RUNX2: variants seen among roughly 807,000 people sequenced by gnomAD.
RUNX2 encodes the protein runt-related transcription factor 2.
In RUNX2, 10 loss-of-function variants were observed where a neutral mutation model predicts 51.7. The ratio of observed to expected loss-of-function variants is 0.19; its 90% CI spans 0.12 to 0.33. The LOEUF is 0.33. RUNX2 is among the 10% of genes least tolerant of loss of function. RUNX2 has a pLI of 1.00. For missense variants in RUNX2, 562 were observed against 691.3 expected (o/e 0.81, Z 2.10); for synonymous variants, 276 against 273.6 (o/e 1.01, Z -0.09).
In RUNX2 at chr6:45,418,183, T is replaced by C. The variant is rs534107625; in HGVS notation, c.59-4410T>C. On this transcript the variant is annotated intron_variant, in intron 2 of 8. Coordinates refer to ENST00000647337, the MANE Select transcript of RUNX2 (RefSeq NM_001024630.4). Reference sequence around the variant, plus strand: ...TTCTACTTTTCATCATAAGTATATATAAAATAATGTATGGGGGTTAGAAAA... The same window carrying C: ...TTCTACTTTTCATCATAAGTATATACAAAATAATGTATGGGGGTTAGAAAA... Among the ~76,000 whole-genome samples the C allele has an allele frequency of 5.3e-5, 8 of 152,084 alleles. No homozygotes were observed. In the East Asian group the frequency reaches 1.4e-3, roughly 26 times the overall value.
At chr6:45,418,680 A>G (rs964845316) in intron 2 of RUNX2, among the ~76,000 whole-genome samples, 1 of 152,216 alleles carries the variant, frequency 6.6e-6, no homozygotes, top group Non-Finnish European at 1.5e-5. Flanking sequence ...CAGAGCCAAG[A>G]CATCATCAGC....
At chr6:45,435,431 C>T (rs542719105) in intron 4 of RUNX2, among the ~76,000 whole-genome samples, 3 of 152,286 alleles carry the variant, frequency 2.0e-5, no homozygotes, top group East Asian at 3.9e-4. Flanking sequence ...CATCTCGGCT[C>T]ACTATAACCT....
At chr6:45,442,883 C>G (rs1036411528) in intron 5 of RUNX2, among the ~76,000 whole-genome samples, 1 of 152,044 alleles carries the variant, frequency 6.6e-6, no homozygotes, top group Non-Finnish European at 1.5e-5. Flanking sequence ...AATGATGCAA[C>G]AGCAGGCCCC....
intron 7 of RUNX2, among the ~76,000 whole-genome samples, chr6:45,525,360 T>C (rs187081984): frequency 1.6e-3 from 240 of 152,330 alleles, no homozygotes; most frequent in African/African-American, 5.5e-3. Flanking sequence ...AGTTGCTCAA[T>C]AAAATTGTGC....
At chr6:45,544,389 G>T (rs111926131) in intron 7 of RUNX2, among the ~76,000 whole-genome samples, 4 of 152,118 alleles carry the variant, frequency 2.6e-5, no homozygotes, top group Non-Finnish European at 4.4e-5. Flanking sequence ...GTGGGGAGGG[G>T]TAAATTCAAA....
intron 2 of RUNX2, among the ~76,000 whole-genome samples, chr6:45,355,155 A>G (rs922612964): frequency 2.2e-5 from 3 of 137,888 alleles, no homozygotes; most frequent in African/African-American, 7.9e-5. Flanking sequence ...TTTTTTTTTT[A>G]GAGATGGGGT....
Position 45,517,860 on chromosome 6 carries a change from T to C in RUNX2, c.1021+5453T>C, listed in dbSNP as rs186776800. Reference sequence around the variant, plus strand: ...GTCTGTCAGGAGGATTCAAACCCAGTAGAGTTTGAGGTTGTTCATTCTAAA... The same window carrying C: ...GTCTGTCAGGAGGATTCAAACCCAGCAGAGTTTGAGGTTGTTCATTCTAAA... On this transcript the variant is annotated intron_variant, in intron 7 of 8. Coordinates refer to ENST00000647337, the MANE Select transcript of RUNX2 (RefSeq NM_001024630.4). Among the ~76,000 whole-genome samples, 80 of 152,276 alleles carry C rather than the reference T, an allele frequency of 5.3e-4. 2 individuals are homozygous for C. Among genetic ancestry groups the C allele is most frequent in the Admixed American group, 4.9e-3 (75 of 15,296 alleles).
Position 45,441,870 on chromosome 6 carries a change from T to A in RUNX2, c.685+3819T>A, listed in dbSNP as rs181883362. Among the ~76,000 whole-genome samples the A allele has an allele frequency of 8.5e-5, 13 of 152,360 alleles. No homozygotes were observed. The East Asian group carries it at 2.5e-3, about 29-fold the overall frequency. On this transcript the variant is annotated intron_variant, in intron 5 of 8. Transcript: ENST00000647337. ...CTGTGAGGCCTTGCCTATCAACACA[T>A]CTGCCAAGACTTGCTTTTCACTCAA...
rs181883116 is a variant in RUNX2, at chr6:45,349,476, A to G, written c.58+20692A>G. Among the ~76,000 whole-genome samples the G allele has an allele frequency of 4.6e-5, 7 of 152,284 alleles. No homozygotes were observed. In the East Asian group the frequency reaches 1.3e-3, roughly 29 times the overall value. On this transcript the variant is annotated intron_variant, in intron 2 of 8. Transcript: ENST00000647337. Reference sequence around the variant, plus strand: ...TGGTCTCTGGATCACCAACATCAACATCACCTGGGAATTTATTTGAAAGGC... The same window carrying G: ...TGGTCTCTGGATCACCAACATCAACGTCACCTGGGAATTTATTTGAAAGGC...
chr6:45,523,082 G>A (rs546701558), intron 7 of RUNX2, among the ~76,000 whole-genome samples: 1 of 152,100 alleles, frequency 6.6e-6, no homozygotes, highest in Admixed American at 6.5e-5. Flanking sequence ...AGTCTTGACA[G>A]GTCTATTATT....
rs569748241 is a variant in RUNX2, at chr6:45,335,336, A to G, written c.58+6552A>G. Among the ~76,000 whole-genome samples the G allele has an allele frequency of 1.4e-4, 21 of 151,424 alleles. No homozygotes were observed. In the South Asian group the frequency reaches 4.1e-3, roughly 30 times the overall value. On this transcript the variant is annotated intron_variant, in intron 2 of 8. Coordinates refer to ENST00000647337, the MANE Select transcript of RUNX2 (RefSeq NM_001024630.4). ...ACTTTGAAGCTTAAAAGAAAGGATC[A>G]TGACATTTATTTTACTATGTAATAT...
At chr6:45,528,210 C>T (rs1430962928) in intron 7 of RUNX2, among the ~76,000 whole-genome samples, 1 of 152,132 alleles carries the variant, frequency 6.6e-6, no homozygotes, top group Non-Finnish European at 1.5e-5. Flanking sequence ...ATTATGAAAG[C>T]TATAATGCAA....
At chr6:45,461,012 A>C (rs1799461800) in intron 5 of RUNX2, among the ~76,000 whole-genome samples, 1 of 152,240 alleles carries the variant, frequency 6.6e-6, no homozygotes, top group Non-Finnish European at 1.5e-5. Flanking sequence ...GGTCCTGAAG[A>C]AAATGGTTAT....
rs142153319 is a variant in RUNX2, at chr6:45,525,405, C to T, written c.1021+12998C>T. ...TTGGTTTATCAGGAAAACATTTCTTCCATGACTCAAGCATGTAGAGTGGTA... is the reference window on the plus strand; with the variant it reads ...TTGGTTTATCAGGAAAACATTTCTTTCATGACTCAAGCATGTAGAGTGGTA... On this transcript the variant is annotated intron_variant, in intron 7 of 8. Coordinates refer to ENST00000647337, the MANE Select transcript of RUNX2 (RefSeq NM_001024630.4). Among the ~76,000 whole-genome samples the T allele has an allele frequency of 4.7e-3, 711 of 152,296 alleles. 4 individuals carry two copies. Among genetic ancestry groups the T allele is most frequent in the Non-Finnish European group, 7.6e-3 (514 of 68,016 alleles).
At chr6:45,408,865 A>G (rs1289011191) in intron 2 of RUNX2, among the ~76,000 whole-genome samples, 1 of 152,202 alleles carries the variant, frequency 6.6e-6, no homozygotes, top group African/African-American at 2.4e-5. Flanking sequence ...ATGAACAGCT[A>G]TGGAGCTTAC....
intron 2 of RUNX2, 108 bp downstream of exon 2, chr6:45,328,892 A>T: frequency 2.6e-6 from 3 of 1,134,016 alleles, no homozygotes; most frequent in Non-Finnish European, 2.7e-6. Context: ...TAAAGATCCT[A>T]ATTATGCTAT....
intron 8 of RUNX2, among the ~76,000 whole-genome samples, chr6:45,545,514 G>A (rs986436060): frequency 1.6e-4 from 24 of 152,070 alleles, no homozygotes; most frequent in African/African-American, 5.3e-4. Flanking sequence ...AAAAGTGTTC[G>A]GATTATTCCC....
chr6:45,378,089 A>G (rs1332749737), intron 2 of RUNX2: 2 of 151,992 alleles, frequency 1.3e-5, no homozygotes, highest in Admixed American at 6.5e-5. Context: ...TCCCAGCCCG[A>G]GCGAGCTACT....
intron 4 of RUNX2, among the ~76,000 whole-genome samples, chr6:45,433,819 C>G (rs1032451897): frequency 2.0e-5 from 3 of 152,276 alleles, no homozygotes; most frequent in South Asian, 2.1e-4. Flanking sequence ...TGCTTGCAGA[C>G]TTTTCACGCA....
Sources: gnomAD v4.1 joint callset for allele counts (sites outside exome capture counted in the v4.1 genomes callset) on GRCh38, gnomAD v4.1.1 for gene constraint, MANE v1.5 for transcripts, NCBI Gene and HGNC (gene_info 2026-07-23, HGNC 2026-07-21) for gene names.